The following PRKAR2B variants were observed in gnomAD, a reference collection of about 807,000 sequenced individuals.
PRKAR2B encodes protein kinase cAMP-dependent type II regulatory subunit beta, also known as cAMP-dependent protein kinase type II-beta regulatory subunit.
A neutral mutation model predicts 49.9 loss-of-function variants in PRKAR2B; 14 were observed. The observed-to-expected ratio is 0.28, with a 90% CI of 0.19 to 0.44. The LOEUF is 0.44. PRKAR2B is among the 20% of genes least tolerant of loss of function. The pLI, the probability that PRKAR2B is intolerant of heterozygous loss-of-function variation, is 1.00. For synonymous variants in PRKAR2B, 196 were observed against 197.7 expected, an observed-to-expected ratio of 0.99 and a Z score of 0.07; for missense variants, 393 against 537.9, an observed-to-expected ratio of 0.73 and a Z score of 2.67.
chr7:107,133,990 G>T (rs564325831), intron 4 of PRKAR2B, among the ~76,000 whole-genome samples: 1 of 151,600 alleles, frequency 6.6e-6, no homozygotes, highest in South Asian at 2.1e-4. Context: ...TCAAATTTTG[G>T]TGGCAGCAGA....
chr7:107,093,210 G>A (rs1251118439), intron 2 of PRKAR2B, among the ~76,000 whole-genome samples: 3 of 152,148 alleles, frequency 2.0e-5, no homozygotes, highest in Non-Finnish European at 4.4e-5. Context: ...TTGTGTCTCT[G>A]CTTTCAGTTC....
chr7:107,061,357 T>C (rs1794023383), intron 1 of PRKAR2B, among the ~76,000 whole-genome samples: 1 of 152,226 alleles, frequency 6.6e-6, no homozygotes, highest in South Asian at 2.1e-4. Context: ...TGAGTCTTCC[T>C]ATCCATGAAC....
intron 2 of PRKAR2B, among the ~76,000 whole-genome samples, chr7:107,074,795 G>A (rs1584413407): frequency 1.3e-5 from 2 of 151,878 alleles, no homozygotes; most frequent in South Asian, 2.1e-4. Context: ...GGGAGACTGC[G>A]TTTAAAATAA....
intron 1 of PRKAR2B, among the ~76,000 whole-genome samples, chr7:107,061,461 T>G (rs1262066310): frequency 6.6e-6 from 1 of 152,240 alleles, no homozygotes; most frequent in Non-Finnish European, 1.5e-5. Context: ...TTTCTTAGGT[T>G]TATTCCTATG....
intron 4 of PRKAR2B, among the ~76,000 whole-genome samples, chr7:107,133,077 C>T (rs1477469543): frequency 6.6e-6 from 1 of 152,160 alleles, no homozygotes; most frequent in Non-Finnish European, 1.5e-5. Context: ...TTACTGAGCT[C>T]AGTCTTGAAT....
intron 2 of PRKAR2B, among the ~76,000 whole-genome samples, chr7:107,117,848 A>G (rs1460959380): frequency 6.6e-6 from 1 of 152,176 alleles, no homozygotes; most frequent in Non-Finnish European, 1.5e-5. Flanking sequence ...GTCTGGCTAC[A>G]CCAGTGCACA....
intron 7 of PRKAR2B, among the ~76,000 whole-genome samples, chr7:107,152,293 C>T (rs1360084407): frequency 6.6e-6 from 1 of 152,192 alleles, no homozygotes; most frequent in Non-Finnish European, 1.5e-5. Context: ...TCATTTCCTA[C>T]TGCTCCACAC....
intron 1 of PRKAR2B, among the ~76,000 whole-genome samples, chr7:107,053,525 AGTGTGTGT>A (rs56855022): frequency 0.016 from 2,222 of 141,974 alleles, 56 homozygotes; most frequent in African/African-American, 0.045. Flanking sequence ...GATTATAAAG[AGTGTGTGT>A]GTGTGTGTGT....
chr7:107,126,269 A>C (rs1343016915), intron 3 of PRKAR2B, among the ~76,000 whole-genome samples: 1 of 140,290 alleles, frequency 7.1e-6, no homozygotes, highest in Non-Finnish European at 1.5e-5. Flanking sequence ...AAAAAAAAAA[A>C]CCAAAGCCAG....
intron 1 of PRKAR2B, among the ~76,000 whole-genome samples, chr7:107,065,228 C>T (rs1313229647): frequency 6.6e-6 from 1 of 152,002 alleles, no homozygotes; most frequent in Non-Finnish European, 1.5e-5. Context: ...TTAGGGTATA[C>T]GAACACTTTT....
At chr7:107,148,331 A>T (rs1795928053) in intron 6 of PRKAR2B, among the ~76,000 whole-genome samples, 1 of 152,194 alleles carries the variant, frequency 6.6e-6, no homozygotes. Context: ...ACATCTTCAG[A>T]ATAAGATCAA....
intron 2 of PRKAR2B, among the ~76,000 whole-genome samples, chr7:107,070,980 T>G (rs1387137789): frequency 6.6e-6 from 1 of 152,244 alleles, no homozygotes; most frequent in East Asian, 1.9e-4. Context: ...GTGTACTATT[T>G]AAACTGCTGG....
intron 2 of PRKAR2B, among the ~76,000 whole-genome samples, chr7:107,071,899 G>A (rs1222169588): frequency 1.3e-5 from 2 of 151,548 alleles, no homozygotes; most frequent in South Asian, 2.1e-4. Context: ...CCCCGTCTCT[G>A]CTAAAAATAC....
Position 107,121,938 on chromosome 7 carries a change from T to G in PRKAR2B, c.344-14T>G, listed in dbSNP as rs1210736062. 1 of 1,544,528 alleles carries G rather than the reference T, an allele frequency of 6.5e-7. No individual in the cohort carries two copies. The highest frequency in any genetic ancestry group is 8.9e-7 in the Non-Finnish European group (1 of 1,126,916). On this transcript the variant is annotated splice_polypyrimidine_tract_variant and intron_variant, in intron 2 of 10. Coordinates refer to ENST00000265717, the MANE Select transcript of PRKAR2B (RefSeq NM_002736.3). ...ATGAAACAATCTTTAAGATGTTCAT[T>G]TTTGTTTTTATAGTATGTGCAGAAG...
At position 107,156,978 on chromosome 7, in the gene PRKAR2B, C is replaced by T. The variant is rs753961093; in HGVS notation, c.919-6C>T. On this transcript the variant is annotated splice_polypyrimidine_tract_variant and splice_region_variant and intron_variant, in intron 8 of 10. Coordinates refer to ENST00000265717, the MANE Select transcript of PRKAR2B (RefSeq NM_002736.3). ...CACCGTCTGTTTTTGTTATTGATTCCAATAGGGAGATTCGGCTGATTCTTT... is the reference window on the plus strand; with the variant it reads ...CACCGTCTGTTTTTGTTATTGATTCTAATAGGGAGATTCGGCTGATTCTTT... 5.6e-6 allele frequency: 9 copies of T among 1,604,638 alleles called. No homozygotes were observed. The highest frequency in any genetic ancestry group is 7.7e-6 in the Non-Finnish European group (9 of 1,171,890).
intron 4 of PRKAR2B, among the ~76,000 whole-genome samples, chr7:107,129,410 G>T (rs1795557260): frequency 6.6e-6 from 1 of 152,136 alleles, no homozygotes; most frequent in African/African-American, 2.4e-5. Context: ...CACTTCATCT[G>T]TCCATTGTCT....
chr7:107,084,816 G>A (rs1392767359), intron 2 of PRKAR2B, among the ~76,000 whole-genome samples: 1 of 151,642 alleles, frequency 6.6e-6, no homozygotes, highest in Non-Finnish European at 1.5e-5. Context: ...TAGCAGAGAC[G>A]GGGTTTCACC....
chr7:107,104,839 A>G (rs922093705), intron 2 of PRKAR2B, among the ~76,000 whole-genome samples: 4 of 152,144 alleles, frequency 2.6e-5, no homozygotes, highest in African/African-American at 4.8e-5. Context: ...ATCAGTTATC[A>G]TTTTCAGGGG....
chr7:107,073,777 G>A (rs1317586239), intron 2 of PRKAR2B, among the ~76,000 whole-genome samples: 3 of 152,090 alleles, frequency 2.0e-5, no homozygotes, highest in African/African-American at 7.2e-5. Context: ...TTAAGACAGA[G>A]AGGCCTGGTG....
Sources: allele counts gnomAD v4.1 joint callset (sites outside exome capture counted in the v4.1 genomes callset), GRCh38; gene constraint gnomAD v4.1.1; transcripts MANE v1.5; gene names NCBI Gene and HGNC (gene_info 2026-07-23, HGNC 2026-07-21).